The following SLC5A8 variants were observed in gnomAD, a reference collection of about 807,000 sequenced individuals.
The protein encoded by SLC5A8 is solute carrier family 5 member 8.
Under a neutral mutation model 71.9 loss-of-function variants are expected in SLC5A8, and 55 were observed. That is an observed-to-expected ratio of 0.77 (90% CI 0.62 to 0.96). The LOEUF (loss-of-function observed/expected upper bound fraction) is 0.96. Among genes scored for constraint, SLC5A8 ranks in the 40% least tolerant of loss-of-function variants. The pLI is 0.00. For synonymous variants in SLC5A8, 307 were observed against 276.1 expected (o/e 1.11, Z -1.11); for missense variants, 701 against 745.3 (o/e 0.94, Z 0.69).
intron 3 of SLC5A8, among the ~76,000 whole-genome samples, chr12:101,195,958 GT>G (rs1225831893): frequency 2.0e-5 from 3 of 152,100 alleles, no homozygotes; most frequent in Non-Finnish European, 2.9e-5. Context: ...GCCTCCCAAA[GT>G]GCTGGGATTA....
chr12:101,195,920 C>T (rs1431313931), intron 3 of SLC5A8, among the ~76,000 whole-genome samples: 1 of 151,996 alleles, frequency 6.6e-6, no homozygotes, highest in African/African-American at 2.4e-5. Context: ...TGGTCTCAAT[C>T]GCCTGACTTC....
At chr12:101,162,281 T>C (rs1299058268) in intron 12 of SLC5A8, among the ~76,000 whole-genome samples, 1 of 152,198 alleles carries the variant, frequency 6.6e-6, no homozygotes, top group Non-Finnish European at 1.5e-5. Context: ...TACTTGAAGG[T>C]CATGTTTATT....
chr12:101,182,730 TG>T, intron 9 of SLC5A8, 72 bp downstream of exon 9: 1 of 1,063,040 alleles, frequency 9.4e-7, no homozygotes, highest in Non-Finnish European at 1.4e-6. Context: ...GTAGCTTCAG[TG>T]GAAAAGAAAT....
chr12:101,168,160 A>G lies in SLC5A8; in HGVS notation c.1256T>C (p.Met419Thr). The change falls in exon 11 of 15, where the codon ATG (methionine) becomes ACG (threonine). Residue 419 changes from methionine to threonine, a missense_variant. Met to Thr is a moderately conservative substitution (Grantham distance 81). Transcript: ENST00000536262. Reference sequence around the variant, plus strand: ...CAGGCCCATAAGTGGTCCACCAACCATACCAAATACGCTGAGTGCTGCCTA... The same window carrying G: ...CAGGCCCATAAGTGGTCCACCAACCGTACCAAATACGCTGAGTGCTGCCTA... ...LLQAALSVFGMVGGPLMGLFA... is the reference protein window; with the variant it reads ...LLQAALSVFGTVGGPLMGLFA... 2 of 1,608,958 alleles carry G rather than the reference A, an allele frequency of 1.2e-6. No individual in the cohort carries two copies. Among genetic ancestry groups the G allele is most frequent in the Non-Finnish European group, 1.7e-6 (2 of 1,177,508 alleles).
chr12:101,170,192 G>T (rs774723388), intron 10 of SLC5A8, among the ~76,000 whole-genome samples: 13 of 152,172 alleles, frequency 8.5e-5, no homozygotes, highest in Non-Finnish European at 1.3e-4. Context: ...CAGGCCCACA[G>T]CTCCACAGGA....
At chr12:101,162,739 C>A (rs1012072346) in intron 12 of SLC5A8, among the ~76,000 whole-genome samples, 2 of 152,034 alleles carry the variant, frequency 1.3e-5, no homozygotes, top group Non-Finnish European at 2.9e-5. Flanking sequence ...CTGGGGACTA[C>A]CAGAGGGTGA....
chr12:101,173,189 G>A (rs2051847101), intron 10 of SLC5A8, among the ~76,000 whole-genome samples: 1 of 152,186 alleles, frequency 6.6e-6, no homozygotes, highest in Non-Finnish European at 1.5e-5. Flanking sequence ...GATAGCCGCT[G>A]GCTGCTGTAT....
intron 10 of SLC5A8, among the ~76,000 whole-genome samples, chr12:101,172,107 C>T (rs7138043): frequency 0.23 from 34,729 of 152,024 alleles, 4,168 homozygotes; most frequent in South Asian, 0.38. Flanking sequence ...GAACACGGCC[C>T]GATGAAGCCA....
intron 10 of SLC5A8, among the ~76,000 whole-genome samples, chr12:101,169,670 G>A (rs1263386847): frequency 6.6e-6 from 1 of 152,176 alleles, no homozygotes; most frequent in Non-Finnish European, 1.5e-5. Flanking sequence ...AGCCCAAGTG[G>A]CCAAGGAAAT....
chr12:101,171,760 G>T (rs1869003826), intron 10 of SLC5A8, among the ~76,000 whole-genome samples: 1 of 152,238 alleles, frequency 6.6e-6, no homozygotes, highest in Non-Finnish European at 1.5e-5. Flanking sequence ...AAGGTTAGCT[G>T]CTCAGTGGGT....
chr12:101,161,196 T>TC (rs201409728), intron 13 of SLC5A8, among the ~76,000 whole-genome samples: 24 of 152,286 alleles, frequency 1.6e-4, no homozygotes, highest in African/African-American at 5.5e-4. Flanking sequence ...TAATTTTTTT[T>TC]CAGACACACA....
intron 6 of SLC5A8, among the ~76,000 whole-genome samples, chr12:101,187,761 T>C (rs764204472): frequency 3.3e-5 from 5 of 152,120 alleles, no homozygotes; most frequent in Non-Finnish European, 5.9e-5. Context: ...TGTATGCTCG[T>C]GGTCGGAGCT....
At chr12:101,196,949 G>A (rs1439087973) in intron 3 of SLC5A8, among the ~76,000 whole-genome samples, 1 of 152,198 alleles carries the variant, frequency 6.6e-6, no homozygotes, top group Admixed American at 6.5e-5. Flanking sequence ...CCGCAAGTGA[G>A]TCCAATATGC....
In SLC5A8 at chr12:101,166,479, AACTT is replaced by A. The variant is rs770251767; in HGVS notation, c.1526+11_1526+14del. The A allele has an allele frequency of 1.2e-6, 2 of 1,602,366 alleles. No homozygotes were observed. The highest frequency in any genetic ancestry group is 1.3e-5 in the African/African-American group (1 of 74,550). ...AATTTTTTAAAGTATAATGTAATAA[AACTT>A]AATTCAATACCTTTGAACATTGTAT... On this transcript the variant is annotated intron_variant, in intron 12 of 14. Coordinates refer to ENST00000536262, the MANE Select transcript of SLC5A8 (RefSeq NM_145913.5).
At chr12:101,192,076 C>T (rs1868937947) in intron 5 of SLC5A8, among the ~76,000 whole-genome samples, 1 of 152,142 alleles carries the variant, frequency 6.6e-6, no homozygotes, top group Non-Finnish European at 1.5e-5. Flanking sequence ...CTTCCCCCCT[C>T]CCTGTTCTGG....
chr12:101,204,912 T>C (rs1869614511), intron 1 of SLC5A8, among the ~76,000 whole-genome samples: 1 of 152,178 alleles, frequency 6.6e-6, no homozygotes, highest in Admixed American at 6.5e-5. Flanking sequence ...CCTCTCTAGT[T>C]TGGCCTTTTC....
In SLC5A8 at chr12:101,190,563, A is replaced by C; in HGVS notation, c.738T>G (p.Ile246Met). Residue 246 changes from isoleucine (I) to methionine (M), a missense_variant, in exon 6 of 15, where the codon ATT (isoleucine) becomes ATG (methionine). Coordinates refer to ENST00000536262, the MANE Select transcript of SLC5A8 (RefSeq NM_145913.5). ...TGGTCCATGTGAAGGTCCCTCCTAT[A>C]ATAATTGTCCAGAAGGTGTGTCTTT... Reference protein sequence around the residue: ...PLQRHTFWTIIIGGTFTWTSI... With the variant: ...PLQRHTFWTIMIGGTFTWTSI... 2.5e-6 allele frequency: 4 copies of C among 1,613,356 alleles called. No homozygotes were observed. Among genetic ancestry groups the C allele is most frequent in the Non-Finnish European group, 3.4e-6 (4 of 1,179,708 alleles).
intron 10 of SLC5A8, among the ~76,000 whole-genome samples, chr12:101,169,526 C>T (rs1214535519): frequency 3.9e-5 from 6 of 152,148 alleles, no homozygotes; most frequent in Admixed American, 3.9e-4. Flanking sequence ...TTTACAACTG[C>T]TATGTCCTAA....
chr12:101,186,784 C>T (rs1187119009), intron 7 of SLC5A8, among the ~76,000 whole-genome samples: 2 of 152,154 alleles, frequency 1.3e-5, no homozygotes, highest in Non-Finnish European at 2.9e-5. Flanking sequence ...TATTTGATAA[C>T]TGCTCATAGT....
Sources: allele counts gnomAD v4.1 joint callset (sites outside exome capture counted in the v4.1 genomes callset), GRCh38; gene constraint gnomAD v4.1.1; transcripts MANE v1.5; gene names NCBI Gene and HGNC (gene_info 2026-07-23, HGNC 2026-07-21).